Variants in N4BP2L2 observed in about 807,000 individuals in gnomAD.
N4BP2L2 encodes the protein NEDD4 binding protein 2 like 2.
Under a neutral mutation model 56.2 loss-of-function variants are expected in N4BP2L2, and 50 were observed. The ratio of observed to expected loss-of-function variants is 0.89; its 90% CI spans 0.71 to 1.13. The LOEUF (loss-of-function observed/expected upper bound fraction) is 1.13, where lower values mean the gene tolerates loss of function less well. Among genes scored for constraint, N4BP2L2 ranks in the 50% most tolerant of loss-of-function variants. The pLI, the probability that N4BP2L2 is intolerant of heterozygous loss-of-function variation, is 0.00. For missense variants in N4BP2L2, 689 were observed against 693.8 expected, an observed-to-expected ratio of 0.99 and a Z score of 0.08; for synonymous variants, 203 against 223.6, an observed-to-expected ratio of 0.91 and a Z score of 0.82.
At chr13:32,497,790 A>G (rs2089086622) in intron 6 of N4BP2L2, among the ~76,000 whole-genome samples, 1 of 152,106 alleles carries the variant, frequency 6.6e-6, no homozygotes, top group South Asian at 2.1e-4. Context: ...AACATGACAA[A>G]ATGTTCGGTG....
At chr13:32,442,677 G>T in exon 7 of N4BP2L2, 2 of 1,613,698 alleles carry the variant, frequency 1.2e-6, no homozygotes, top group Non-Finnish European at 1.7e-6. Flanking sequence ...TCTGAGATTC[G>T]AAAGTCAAAA....
chr13:32,537,596 T>A (rs1315287753), intron 1 of N4BP2L2, among the ~76,000 whole-genome samples: 1 of 152,176 alleles, frequency 6.6e-6, no homozygotes, highest in East Asian at 1.9e-4. Flanking sequence ...TGGAGACCCT[T>A]AACTGTGAGT....
At position 32,536,567 on chromosome 13, in the gene N4BP2L2, C is replaced by T. The variant is rs754183970; in HGVS notation, c.461G>A (p.Gly154Glu). Reference sequence around the variant, plus strand: ...GTTAAATTTCTGTTTCTCTTTTTGTCCTCCTCTGTCATTTATACCATTTAG... The same window carrying T: ...GTTAAATTTCTGTTTCTCTTTTTGTTCTCCTCTGTCATTTATACCATTTAG... The change falls in exon 2 of 6, where the codon GGA becomes GAA. Residue 154 changes from glycine (G) to glutamate (E), a missense_variant. Physicochemically the swap from Gly to Glu is moderately conservative, Grantham distance 98. Transcript: ENST00000267068. 4 of 1,613,692 alleles carry T rather than the reference C, an allele frequency of 2.5e-6. No homozygotes were observed. The Admixed American group carries it at 5.0e-5, about 20-fold the overall frequency.
At position 32,451,216 on chromosome 13, in the gene N4BP2L2, T is replaced by C. The variant is rs559172631; in HGVS notation, c.366-7090A>G. On this transcript the variant is annotated intron_variant, in intron 6 of 9. Coordinates refer to the N4BP2L2 transcript ENST00000357505. ...GGAAAGCTGATGTGGTAGGATTGCTTGAGGCCAGAAGTTTTAAGACCAGCC... is the reference window on the plus strand; with the variant it reads ...GGAAAGCTGATGTGGTAGGATTGCTCGAGGCCAGAAGTTTTAAGACCAGCC... Among the ~76,000 whole-genome samples, 9 of 152,150 alleles carry C rather than the reference T, an allele frequency of 5.9e-5. No homozygotes were observed. The East Asian group carries it at 1.5e-3, about 26-fold the overall frequency.
intron 6 of N4BP2L2, among the ~76,000 whole-genome samples, chr13:32,454,424 AG>A (rs1291563291): frequency 2.0e-5 from 3 of 152,070 alleles, no homozygotes; most frequent in Non-Finnish European, 4.4e-5. Flanking sequence ...CTTGGGGGGG[AG>A]GGGGTGAAAT....
intron 6 of N4BP2L2, among the ~76,000 whole-genome samples, chr13:32,448,603 A>C (rs1044956821): frequency 6.6e-6 from 1 of 152,176 alleles, no homozygotes; most frequent in Non-Finnish European, 1.5e-5. Flanking sequence ...GATACAAGCT[A>C]ATCTGACCAA....
intron 8 of N4BP2L2, among the ~76,000 whole-genome samples, chr13:32,438,048 G>A (rs776176622): frequency 4.6e-5 from 7 of 151,908 alleles, no homozygotes; most frequent in South Asian, 4.2e-4. Flanking sequence ...ATTTTGATAC[G>A]TGTGTACATT....
intron 6 of N4BP2L2, among the ~76,000 whole-genome samples, chr13:32,444,793 A>G (rs1202623325): frequency 6.6e-6 from 1 of 152,230 alleles, no homozygotes; most frequent in Admixed American, 6.5e-5. Flanking sequence ...TCACTGTGTT[A>G]ACATCATAGA....
Position 32,443,787 on chromosome 13 carries a change from CT to C in N4BP2L2, c.704del (p.Lys235ArgfsTer13). The C allele has an allele frequency of 6.3e-7, 1 of 1,580,038 alleles. No homozygotes were observed. The highest frequency in any genetic ancestry group is 1.2e-5 in the South Asian group (1 of 84,190). ...TATCACCTTCCTTAGAGAGGTAATTCTTTGGTGTGTTGTCTAATTCAACTAT... is the reference window on the plus strand; with the variant it reads ...TATCACCTTCCTTAGAGAGGTAATTCTTGGTGTGTTGTCTAATTCAACTAT... On this transcript the variant is annotated frameshift_variant, in exon 7 of 10. Transcript: ENST00000357505. LOFTEE classifies it high-confidence loss of function.
At chr13:32,491,854 T>C (rs1274247081) in intron 6 of N4BP2L2, among the ~76,000 whole-genome samples, 1 of 151,768 alleles carries the variant, frequency 6.6e-6, no homozygotes, top group Admixed American at 6.6e-5. Context: ...ATGGTCTCGA[T>C]CTCCTGACTT....
At chr13:32,449,948 G>C (rs7330459) in intron 6 of N4BP2L2, among the ~76,000 whole-genome samples, 48,520 of 152,036 alleles carry the variant, frequency 0.32, 9,461 homozygotes, top group African/African-American at 0.54. Context: ...TATAGACAAA[G>C]TGATAAATTC....
At chr13:32,480,689 T>C (rs1456009988) in intron 6 of N4BP2L2, 1 of 1,071,472 alleles carries the variant, frequency 9.3e-7, no homozygotes, top group Non-Finnish European at 1.3e-6. Flanking sequence ...TAAAGTGCTT[T>C]CATAAACATC....
exon 6 of N4BP2L2, chr13:32,512,191 A>C (rs530275553): frequency 4.6e-5 from 7 of 152,224 alleles, no homozygotes; most frequent in African/African-American, 1.4e-4. Flanking sequence ...TACTAGCAAA[A>C]CTGAGAGGCA....
chr13:32,522,656 G>A (rs1295586028), intron 3 of N4BP2L2: 6 of 153,802 alleles, frequency 3.9e-5, no homozygotes, highest in African/African-American at 1.4e-4. Context: ...CGGAAGGATG[G>A]AGGTTATTAA....
At chr13:32,488,015 C>T (rs1437980145) in intron 6 of N4BP2L2, among the ~76,000 whole-genome samples, 6 of 151,972 alleles carry the variant, frequency 3.9e-5, no homozygotes, top group African/African-American at 9.7e-5. Flanking sequence ...TGTGCCACCA[C>T]GCCGGACTAA....
At position 32,434,256 on chromosome 13, in the gene N4BP2L2, C is replaced by CT. The variant is rs983130668; in HGVS notation, c.*22-1285dup. On this transcript the variant is annotated intron_variant, in intron 9 of 9. Coordinates refer to the N4BP2L2 transcript ENST00000357505. Reference sequence around the variant, plus strand: ...CACATTCAGCTAATTTTCTTTTTTTCTTTTTTTTTTTTTTGTATTTTAGTA... The same window carrying CT: ...CACATTCAGCTAATTTTCTTTTTTTCTTTTTTTTTTTTTTTGTATTTTAGTA... 1.4e-3 allele frequency among the ~76,000 whole-genome samples: 179 copies of CT among 128,280 alleles called. 3 individuals carry two copies. The highest frequency in any genetic ancestry group is 1.6e-3 in the East Asian group (7 of 4,398). The allele number at this position is 128,280 out of a possible 152,430, so 84.2% of individuals were successfully genotyped here.
At chr13:32,520,820 C>T (rs2050676004) in intron 5 of N4BP2L2, among the ~76,000 whole-genome samples, 1 of 152,168 alleles carries the variant, frequency 6.6e-6, no homozygotes, top group Non-Finnish European at 1.5e-5. Context: ...GCTGCGAAAA[C>T]TCAGTTCTCC....
intron 6 of N4BP2L2, among the ~76,000 whole-genome samples, chr13:32,503,193 A>AAT (rs1183393037): frequency 2.0e-5 from 3 of 151,316 alleles, no homozygotes; most frequent in Admixed American, 6.6e-5. Flanking sequence ...AAAAAAAAAA[A>AAT]AAAATTATAT....
At chr13:32,525,257 T>C (rs1015138799) in intron 3 of N4BP2L2, 6 of 152,136 alleles carry the variant, frequency 3.9e-5, no homozygotes, top group African/African-American at 7.2e-5. Flanking sequence ...AAATGTTCTA[T>C]GGCATTAAAA....
Sources: gnomAD v4.1 joint callset for allele counts (sites outside exome capture counted in the v4.1 genomes callset) on GRCh38, gnomAD v4.1.1 for gene constraint, MANE v1.5 for transcripts, NCBI Gene and HGNC (gene_info 2026-07-23, HGNC 2026-07-21) for gene names.